The following C7 variants were observed in gnomAD, a reference collection of about 807,000 sequenced individuals.
C7 encodes complement component C7.
A neutral mutation model predicts 104.8 loss-of-function variants in C7; 83 were observed. The observed-to-expected ratio is 0.79, with a 90% CI of 0.66 to 0.95. The LOEUF is 0.95. Ranked by LOEUF, C7 falls within the 40% of genes least tolerant of loss-of-function variation. The probability of loss-of-function intolerance (pLI) is 0.00; values close to 1 mark genes in which losing one functional copy is unlikely to be tolerated. For synonymous variants in C7, 415 were observed against 360.6 expected, an observed-to-expected ratio of 1.15 and a Z score of -1.71; for missense variants, 1,070 against 1,011.2, an observed-to-expected ratio of 1.06 and a Z score of -0.79.
chr5:40,972,650 T>C (rs970298079), intron 15 of C7, 56 bp downstream of exon 15: 11 of 1,434,142 alleles, frequency 7.7e-6, no homozygotes, highest in Non-Finnish European at 1.0e-5. Context: ...GTGAGAGTCC[T>C]TGTGGCGACC....
chr5:40,910,470 G>A (rs1739183976), intron 1 of C7, among the ~76,000 whole-genome samples: 1 of 152,100 alleles, frequency 6.6e-6, no homozygotes, highest in Non-Finnish European at 1.5e-5. Flanking sequence ...CATTATTGGG[G>A]TTAGAGGAGG....
intron 4 of C7, among the ~76,000 whole-genome samples, chr5:40,935,518 G>A (rs935318557): frequency 6.6e-6 from 1 of 152,160 alleles, no homozygotes; most frequent in African/African-American, 2.4e-5. Context: ...TTTTCAAGAG[G>A]AGATAATGTT....
intron 1 of C7, among the ~76,000 whole-genome samples, chr5:40,914,549 C>A (rs182504927): frequency 6.6e-6 from 1 of 152,118 alleles, no homozygotes; most frequent in East Asian, 1.9e-4. Flanking sequence ...AGACCAATGT[C>A]CAGAAGAGTT....
chr5:40,952,781 T>C (rs1219787839), intron 9 of C7, among the ~76,000 whole-genome samples: 6 of 151,942 alleles, frequency 3.9e-5, no homozygotes, highest in Admixed American at 2.6e-4. Flanking sequence ...ATTAAGAAAA[T>C]GTGGCACATA....
chr5:40,973,689 TGA>T (rs1740749631), intron 15 of C7, among the ~76,000 whole-genome samples: 3 of 152,228 alleles, frequency 2.0e-5, no homozygotes, highest in Admixed American at 6.5e-5. Context: ...AGTATAAACA[TGA>T]GTTTACTTGG....
chr5:40,953,233 G>T (rs1740214800), intron 9 of C7, among the ~76,000 whole-genome samples: 1 of 152,062 alleles, frequency 6.6e-6, no homozygotes, highest in Non-Finnish European at 1.5e-5. Context: ...ATATGTGAGG[G>T]TTAAAAAAAT....
intron 14 of C7, among the ~76,000 whole-genome samples, chr5:40,967,354 G>A (rs773181166): frequency 4.4e-4 from 67 of 152,214 alleles, no homozygotes; most frequent in African/African-American, 1.6e-3. Context: ...ATGAGCCACC[G>A]CACCTGGCCA....
chr5:40,914,138 A>G (rs1739269017), intron 1 of C7, among the ~76,000 whole-genome samples: 2 of 152,022 alleles, frequency 1.3e-5, no homozygotes, highest in South Asian at 4.1e-4. Context: ...CAGTTTTTTT[A>G]CTTTTTAATA....
chr5:40,979,977 T>C, intron 17 of C7, 68 bp downstream of exon 17: 7 of 1,397,028 alleles, frequency 5.0e-6, no homozygotes, highest in Non-Finnish European at 6.7e-6. Context: ...TTAAAAAATG[T>C]GGTTTCTAGT....
chr5:40,965,367 T>A (rs540664916), intron 14 of C7, among the ~76,000 whole-genome samples: 2 of 152,318 alleles, frequency 1.3e-5, no homozygotes, highest in South Asian at 4.1e-4. Context: ...CTAAATCAGT[T>A]GCTCTGTGCT....
In C7 at chr5:40,979,858, G is replaced by T; in HGVS notation, c.2299G>T (p.Ala767Ser). 2 of 1,608,200 alleles carry T rather than the reference G, an allele frequency of 1.2e-6. No homozygotes were observed. Among genetic ancestry groups the T allele is most frequent in the East Asian group, 2.2e-5 (1 of 44,742 alleles). Residue 767 changes from alanine (A) to serine (S), a missense_variant, in exon 17 of 18, where the codon GCC becomes TCC. Physicochemically the swap from Ala to Ser is moderately conservative, Grantham distance 99. Transcript: ENST00000313164. ...LTGRDSCTLP[A>S]SAEKACGACP... ...TGGTAGGGACAGCTGTACTCTGCCT[G>T]CCTCAGCTGAGAAAGCTTGTGGTGC...
chr5:40,947,192 TG>T (rs1376416452), intron 7 of C7, among the ~76,000 whole-genome samples: 1 of 150,118 alleles, frequency 6.7e-6, no homozygotes, highest in Non-Finnish European at 1.5e-5. Context: ...CACTGCCTCC[TG>T]GGTTCAAGCG....
At chr5:40,930,788 A>T (rs1181325947) in intron 2 of C7, among the ~76,000 whole-genome samples, 1 of 150,876 alleles carries the variant, frequency 6.6e-6, no homozygotes, top group Non-Finnish European at 1.5e-5. Context: ...CTGGTCTCGA[A>T]CTCCTGACCT....
intron 1 of C7, among the ~76,000 whole-genome samples, chr5:40,926,360 CCCACTTTTG>C (rs78824873): frequency 0.48 from 72,895 of 151,242 alleles, 18,754 homozygotes; most frequent in African/African-American, 0.69. Flanking sequence ...GACAAAAATG[CCCACTTTTG>C]CCACTTTTGC....
At chr5:40,917,627 C>T (rs1261724027) in intron 1 of C7, among the ~76,000 whole-genome samples, 2 of 152,076 alleles carry the variant, frequency 1.3e-5, no homozygotes, top group South Asian at 4.1e-4. Flanking sequence ...ATTTCATTTA[C>T]TTTGGCTATA....
chr5:40,919,029 T>C (rs571880313), intron 1 of C7, among the ~76,000 whole-genome samples: 1 of 150,866 alleles, frequency 6.6e-6, no homozygotes, highest in South Asian at 2.1e-4. Flanking sequence ...TGCACATTCT[T>C]CTCAAGTGCA....
intron 2 of C7, among the ~76,000 whole-genome samples, chr5:40,929,038 G>A (rs1739619067): frequency 6.6e-6 from 1 of 152,070 alleles, no homozygotes; most frequent in Admixed American, 6.6e-5. Context: ...CCAAGTTCTT[G>A]AGGCCTGGAA....
At chr5:40,943,551 A>G (rs1404660633) in intron 6 of C7, among the ~76,000 whole-genome samples, 1 of 149,492 alleles carries the variant, frequency 6.7e-6, no homozygotes, top group African/African-American at 2.5e-5. Context: ...AGACAGGCGG[A>G]AATAGGCTAA....
chr5:40,927,654 G>C (rs1252115801), intron 1 of C7, among the ~76,000 whole-genome samples: 1 of 151,990 alleles, frequency 6.6e-6, no homozygotes, highest in South Asian at 2.1e-4. Flanking sequence ...TTTCTGAAGA[G>C]AAGACATGCA....
Sources: allele counts gnomAD v4.1 joint callset (sites outside exome capture counted in the v4.1 genomes callset), GRCh38; gene constraint gnomAD v4.1.1; transcripts MANE v1.5; gene names NCBI Gene and HGNC (gene_info 2026-07-23, HGNC 2026-07-21).